Variants in ENPP3 observed in about 807,000 individuals in gnomAD.
ENPP3 encodes the protein ectonucleotide pyrophosphatase/phosphodiesterase 3.
ENPP3 carries 104 observed loss-of-function variants against 117.8 expected under a neutral mutation model. The observed-to-expected ratio is 0.88, with a 90% CI of 0.75 to 1.04. The LOEUF (loss-of-function observed/expected upper bound fraction) is 1.04, where lower values mean the gene tolerates loss of function less well. Ranked by LOEUF, ENPP3 falls within the 50% of genes least tolerant of loss-of-function variation. The probability of loss-of-function intolerance (pLI) is 0.00; values close to 1 mark genes in which losing one functional copy is unlikely to be tolerated. For synonymous variants in ENPP3, 380 were observed against 349.9 expected, an observed-to-expected ratio of 1.09 and a Z score of -0.96; for missense variants, 1,026 against 1,051.9, an observed-to-expected ratio of 0.98 and a Z score of 0.34.
chr6:131,726,903 A>G (rs1780166637), intron 20 of ENPP3, among the ~76,000 whole-genome samples: 1 of 152,180 alleles, frequency 6.6e-6, no homozygotes, highest in African/African-American at 2.4e-5. Context: ...GGATTTGTAG[A>G]CCTAAATAGG....
chr6:131,676,254 T>G (rs1431233581), intron 9 of ENPP3, among the ~76,000 whole-genome samples: 1 of 152,070 alleles, frequency 6.6e-6, no homozygotes, highest in African/African-American at 2.4e-5. Context: ...CTCTAGTTTT[T>G]TTTTTTTTTT....
At position 131,640,194 on chromosome 6, in the gene ENPP3, T is replaced by C. The variant is rs143556368; in HGVS notation, c.79-1261T>C. On this transcript the variant is annotated intron_variant, in intron 1 of 24. Coordinates refer to ENST00000357639, the MANE Select transcript of ENPP3 (RefSeq NM_005021.5). ...CACAGATAAGGTGTAAACCAAAATA[T>C]GTTAATTTGTAAGTCTATGATGTGT... Among the ~76,000 whole-genome samples the C allele has an allele frequency of 3.1e-3, 466 of 152,336 alleles. 1 individual carries two copies. Among genetic ancestry groups the C allele is most frequent in the African/African-American group, 0.011 (444 of 41,572 alleles).
At chr6:131,726,291 T>A in intron 20 of ENPP3, 91 bp downstream of exon 20, 1 of 1,219,430 alleles carries the variant, frequency 8.2e-7, no homozygotes, top group Non-Finnish European at 1.2e-6. Flanking sequence ...GCAGCAGAGA[T>A]TCAAAGGGAG....
intron 6 of ENPP3, among the ~76,000 whole-genome samples, chr6:131,669,511 A>AAAAAATAC (rs1778692922): frequency 6.6e-6 from 1 of 151,704 alleles, no homozygotes; most frequent in Non-Finnish European, 1.5e-5. Flanking sequence ...CATCTCTACT[A>AAAAAATAC]AAAAATACAA....
intron 11 of ENPP3, among the ~76,000 whole-genome samples, chr6:131,680,113 T>C (rs1778992466): frequency 6.6e-6 from 1 of 152,154 alleles, no homozygotes. Context: ...AGGAATGAGT[T>C]GGAGGAAGCA....
At chr6:131,745,160 AG>A (rs1221836945) in intron 24 of ENPP3, among the ~76,000 whole-genome samples, 2 of 152,338 alleles carry the variant, frequency 1.3e-5, no homozygotes, top group East Asian at 3.9e-4. Flanking sequence ...TGGAAAAAAA[AG>A]TGATCAAAGA....
intron 19 of ENPP3, among the ~76,000 whole-genome samples, chr6:131,724,565 C>G (rs117546590): frequency 6.6e-6 from 1 of 152,130 alleles, no homozygotes; most frequent in Admixed American, 6.6e-5. Context: ...ATTATTATTA[C>G]CTGTTATCTT....
In ENPP3 at chr6:131,642,445, A is replaced by G. The variant is rs1471626813; in HGVS notation, c.154+915A>G. ...CTTTTGCTATATTTCATTATTATGG[A>G]GAGTAAATGCACCACTTACAAATGA... On this transcript the variant is annotated intron_variant, in intron 2 of 24. Transcript: ENST00000357639. Among the ~76,000 whole-genome samples, 4 of 152,198 alleles carry G rather than the reference A, an allele frequency of 2.6e-5. No individual in the cohort carries two copies. The East Asian group carries it at 7.7e-4, about 29-fold the overall frequency.
intron 14 of ENPP3, among the ~76,000 whole-genome samples, chr6:131,692,755 T>C (rs1779307689): frequency 6.9e-6 from 1 of 145,900 alleles, no homozygotes; most frequent in Non-Finnish European, 1.5e-5. Context: ...ATATATGATA[T>C]ATGGTTATAT....
At chr6:131,663,371 T>C (rs555784617) in intron 6 of ENPP3, among the ~76,000 whole-genome samples, 101 of 151,896 alleles carry the variant, frequency 6.6e-4, no homozygotes, top group African/African-American at 2.1e-3. Context: ...GGCGGTCCCA[T>C]ACATTATAAT....
In ENPP3 at chr6:131,674,186, A is replaced by G. The variant is rs755983428; in HGVS notation, c.667A>G (p.Ile223Val). ...GGGCTTGTATCCAGAGTCACATGGC[A>G]TCATTGACAATAATATGTATGATGT... ...VTGLYPESHG[I>V]IDNNMYDVNL... The change falls in exon 8 of 25, where the codon ATC becomes GTC. Residue 223 changes from isoleucine to valine, a missense_variant. Ile to Val is a conservative substitution (Grantham distance 29). Coordinates refer to ENST00000357639, the MANE Select transcript of ENPP3 (RefSeq NM_005021.5). 11 of 1,568,046 alleles carry G rather than the reference A, an allele frequency of 7.0e-6. No homozygotes were observed. Among genetic ancestry groups the G allele is most frequent in the African/African-American group, 4.1e-5 (3 of 73,106 alleles).
intron 6 of ENPP3, among the ~76,000 whole-genome samples, chr6:131,663,091 G>A (rs182917249): frequency 2.5e-4 from 38 of 150,800 alleles, no homozygotes; most frequent in Admixed American, 2.5e-3. Flanking sequence ...TAGAGCTTCA[G>A]TAGATAGTAT....
Position 131,658,407 on chromosome 6 carries a change from T to C in ENPP3, c.549T>C (p.Asn183=), listed in dbSNP as rs1393787931. The change falls in exon 6 of 25, where the codon AAT becomes AAC. Residue 183 remains asparagine, a synonymous_variant. Transcript: ENST00000357639. ...YLYTWDTLMP[N]INKLKTCGIH... ...ACACATGGGATACTTTAATGCCAAA[T>C]ATCAATAAACTGAGTAAGTCTTCTG... 1 of 1,544,548 alleles carries C rather than the reference T, an allele frequency of 6.5e-7. No homozygotes were observed. The highest frequency in any genetic ancestry group is 1.1e-5 in the South Asian group (1 of 89,462).
At chr6:131,672,010 T>A (rs565555120) in intron 7 of ENPP3, among the ~76,000 whole-genome samples, 1 of 152,330 alleles carries the variant, frequency 6.6e-6, no homozygotes, top group Admixed American at 6.5e-5. Context: ...CATTTACATT[T>A]TAACCCCCAC....
intron 20 of ENPP3, among the ~76,000 whole-genome samples, chr6:131,728,615 T>C (rs946293100): frequency 2.6e-5 from 4 of 152,218 alleles, no homozygotes; most frequent in Non-Finnish European, 5.9e-5. Flanking sequence ...AAGGATGTTT[T>C]GGGATTCACA....
At position 131,738,150 on chromosome 6, in the gene ENPP3, G is replaced by C. The variant is rs192185874; in HGVS notation, c.2287G>C (p.Asp763His). 1.2e-6 allele frequency: 2 copies of C among 1,610,826 alleles called. No individual in the cohort carries two copies. The highest frequency in any genetic ancestry group is 2.7e-5 in the African/African-American group (2 of 74,934). ...YNYDGHFDAP[D>H]EITKHLANTD... ...TTATGATGGCCATTTTGATGCTCCA[G>C]ATGAAATTACCAAGTAAGTGATTTG... Residue 763 changes from aspartate to histidine, a missense_variant, in exon 23 of 25, where the codon GAT becomes CAT. Asp to His is a moderately conservative substitution (Grantham distance 81). Transcript: ENST00000357639.
At chr6:131,640,791 T>C (rs1266997175) in intron 1 of ENPP3, among the ~76,000 whole-genome samples, 1 of 152,218 alleles carries the variant, frequency 6.6e-6, no homozygotes, top group Non-Finnish European at 1.5e-5. Context: ...AAGAATTCTT[T>C]TTAATTATAT....
Position 131,676,788 on chromosome 6 carries a change from C to A in ENPP3, c.925C>A (p.Pro309Thr). 1 of 1,609,368 alleles carries A rather than the reference C, an allele frequency of 6.2e-7. No homozygotes were observed. Among genetic ancestry groups the A allele is most frequent in the Non-Finnish European group, 8.5e-7 (1 of 1,175,966 alleles). Reference sequence around the variant, plus strand: ...TACACTGTTAAAATGGCTGGACCTGCCCAAAGCTGAAAGGTAATGTCTAGT... The same window carrying A: ...TACACTGTTAAAATGGCTGGACCTGACCAAAGCTGAAAGGTAATGTCTAGT... Reference protein sequence around the residue: ...ISTLLKWLDLPKAERPRFYTM... With the variant: ...ISTLLKWLDLTKAERPRFYTM... The change falls in exon 10 of 25, where the codon CCC becomes ACC. Residue 309 changes from proline (P) to threonine (T), a missense_variant. By Grantham distance (38) the Pro-to-Thr change is conservative. Coordinates refer to ENST00000357639, the MANE Select transcript of ENPP3 (RefSeq NM_005021.5).
intron 1 of ENPP3, among the ~76,000 whole-genome samples, chr6:131,641,198 T>G (rs1481833098): frequency 1.3e-5 from 2 of 152,220 alleles, no homozygotes; most frequent in Non-Finnish European, 2.9e-5. Flanking sequence ...TGCATTTGAA[T>G]GGTAAATGTG....
Sources: allele counts gnomAD v4.1 joint callset (sites outside exome capture counted in the v4.1 genomes callset), GRCh38; gene constraint gnomAD v4.1.1; transcripts MANE v1.5; gene names NCBI Gene and HGNC (gene_info 2026-07-23, HGNC 2026-07-21).